Variants in CTNND2 observed in about 807,000 individuals in gnomAD.
CTNND2 encodes catenin delta 2.
CTNND2 carries 22 observed loss-of-function variants against 144.4 expected under a neutral mutation model. The ratio of observed to expected loss-of-function variants is 0.15; its 90% CI spans 0.11 to 0.22. The LOEUF is 0.22. CTNND2 is among the 10% of genes least tolerant of loss of function. The pLI, the probability that CTNND2 is intolerant of heterozygous loss-of-function variation, is 1.00. For missense variants in CTNND2, 1,353 were observed against 1,618.8 expected (o/e 0.84, Z 2.82); for synonymous variants, 751 against 695.6 (o/e 1.08, Z -1.25).
intron 1 of CTNND2, among the ~76,000 whole-genome samples, chr5:11,851,248 A>T (rs1794996025): frequency 5.2e-5 from 5 of 96,760 alleles, no homozygotes; most frequent in Admixed American, 2.2e-4. Context: ...TATTCATATT[A>T]TCTCTCTAAT....
chr5:11,654,244 T>C (rs959377459), intron 2 of CTNND2, among the ~76,000 whole-genome samples: 3 of 152,064 alleles, frequency 2.0e-5, no homozygotes, highest in Admixed American at 1.3e-4. Context: ...AATTTTAGAA[T>C]TATTTTTCTA....
chr5:11,640,287 A>C lies in CTNND2; in HGVS notation c.175-75231T>G, dbSNP rs1781933150. On this transcript the variant is annotated intron_variant, in intron 2 of 21. Transcript: ENST00000304623. The stretch of plus-strand genomic sequence containing the variant: ...TGACTTTATTATGCACATAAATTAC[A>C]TGGAGTTGCAGACTGTCTCTTTTCA... 2.0e-5 allele frequency among the ~76,000 whole-genome samples: 3 copies of C among 152,248 alleles called. No homozygotes were observed. The South Asian group carries it at 6.2e-4, about 31-fold the overall frequency.
intron 6 of CTNND2, among the ~76,000 whole-genome samples, chr5:11,386,451 C>T (rs987658721): frequency 1.4e-4 from 22 of 152,184 alleles, no homozygotes; most frequent in Non-Finnish European, 8.8e-5. Flanking sequence ...AGACTGGGCA[C>T]TTTCACTGCA....
intron 21 of CTNND2, among the ~76,000 whole-genome samples, chr5:10,974,928 G>T (rs929588049): frequency 2.0e-5 from 3 of 152,176 alleles, no homozygotes; most frequent in African/African-American, 7.2e-5. Context: ...TAATCAACCT[G>T]ATCTTCAAAG....
At chr5:11,059,933 G>A (rs918406721) in intron 16 of CTNND2, among the ~76,000 whole-genome samples, 6 of 152,088 alleles carry the variant, frequency 3.9e-5, no homozygotes, top group Non-Finnish European at 8.8e-5. Flanking sequence ...TGGTAATTTT[G>A]TTGAGGCTTA....
At chr5:11,069,570 C>T (rs919179747) in intron 16 of CTNND2, among the ~76,000 whole-genome samples, 1 of 151,958 alleles carries the variant, frequency 6.6e-6, no homozygotes, top group Non-Finnish European at 1.5e-5. Flanking sequence ...TAAAATTATA[C>T]AAGGCCTGAA....
intron 10 of CTNND2, among the ~76,000 whole-genome samples, chr5:11,223,336 T>A (rs1351365322): frequency 6.6e-6 from 1 of 152,174 alleles, no homozygotes; most frequent in African/African-American, 2.4e-5. Flanking sequence ...ATCTCCCCAC[T>A]GTACTCCAGC....
chr5:11,472,511 T>C (rs1207318849), intron 3 of CTNND2, among the ~76,000 whole-genome samples: 2 of 152,202 alleles, frequency 1.3e-5, no homozygotes, highest in Admixed American at 1.3e-4. Context: ...ATTAAATCTA[T>C]GAGTGTATTT....
Position 11,607,588 on chromosome 5 carries a change from A to C in CTNND2, c.175-42532T>G, listed in dbSNP as rs147043018. Among the ~76,000 whole-genome samples, 1,131 of 152,346 alleles carry C rather than the reference A, an allele frequency of 7.4e-3. 25 individuals carry two copies. Among genetic ancestry groups the C allele is most frequent in the African/African-American group, 0.026 (1,079 of 41,586 alleles). On this transcript the variant is annotated intron_variant, in intron 2 of 21. Coordinates refer to ENST00000304623, the MANE Select transcript of CTNND2 (RefSeq NM_001332.4). ...TAAGATCTATGGCAATTCAATTGAC[A>C]CAAATGATTGTTATTTGAATATTAA...
At chr5:11,882,507 A>G (rs35355583) in intron 1 of CTNND2, among the ~76,000 whole-genome samples, 48 of 151,986 alleles carry the variant, frequency 3.2e-4, no homozygotes, top group Non-Finnish European at 6.3e-4. Context: ...ATACAAATAT[A>G]TATATATAGT....
intron 9 of CTNND2, among the ~76,000 whole-genome samples, chr5:11,290,581 C>A (rs1748224802): frequency 6.6e-6 from 1 of 152,284 alleles, no homozygotes; most frequent in Non-Finnish European, 1.5e-5. Flanking sequence ...ATCTGCTGAA[C>A]AAATGATCCT....
intron 12 of CTNND2, among the ~76,000 whole-genome samples, chr5:11,127,186 T>C (rs112996624): frequency 0.23 from 34,994 of 152,232 alleles, 4,868 homozygotes; most frequent in Admixed American, 0.36. Context: ...ACTAAAACTG[T>C]GGCTGGCTCA....
chr5:11,552,470 T>C (rs1446811381), intron 3 of CTNND2, among the ~76,000 whole-genome samples: 2 of 152,224 alleles, frequency 1.3e-5, no homozygotes, highest in East Asian at 3.8e-4. Flanking sequence ...CTAAATCTCA[T>C]TACTTTTTTA....
chr5:11,088,777 T>C (rs376010155), intron 15 of CTNND2, among the ~76,000 whole-genome samples: 1 of 152,178 alleles, frequency 6.6e-6, no homozygotes, highest in Non-Finnish European at 1.5e-5. Flanking sequence ...TTTACTAAGA[T>C]AGTGTGTTTT....
intron 13 of CTNND2, among the ~76,000 whole-genome samples, chr5:11,114,756 C>CTTGTGTAT (rs1303742474): frequency 6.6e-6 from 1 of 152,146 alleles, no homozygotes; most frequent in East Asian, 1.9e-4. Flanking sequence ...TGTATGGAAT[C>CTTGTGTAT]CACGCTCTTT....
intron 1 of CTNND2, among the ~76,000 whole-genome samples, chr5:11,878,522 T>C (rs1313660973): frequency 6.6e-6 from 1 of 152,206 alleles, no homozygotes; most frequent in South Asian, 2.1e-4. Flanking sequence ...CAGTGTTCTA[T>C]ACCCCAGATC....
chr5:11,450,898 CAA>C (rs758941655), intron 3 of CTNND2, among the ~76,000 whole-genome samples: 28,215 of 80,270 alleles, frequency 0.35, 2,819 homozygotes, highest in East Asian at 0.6. Context: ...AACTCCATCT[CAA>C]AAAAAAAAAA....
At chr5:10,994,834 GC>G (rs1442744780) in intron 18 of CTNND2, among the ~76,000 whole-genome samples, 1 of 152,194 alleles carries the variant, frequency 6.6e-6, no homozygotes, top group South Asian at 2.1e-4. Flanking sequence ...AGGAGAGATG[GC>G]CCAGGCTTGA....
In CTNND2 at chr5:11,727,314, C is replaced by T. The variant is rs1184064170; in HGVS notation, c.174+4822G>A. ...ACACCCCATCTGGTCAATCTATCTA[C>T]AATCCTTCCATCCTGTACGTATGAA... On this transcript the variant is annotated intron_variant, in intron 2 of 21. Transcript: ENST00000304623. 4.6e-5 allele frequency among the ~76,000 whole-genome samples: 7 copies of T among 152,244 alleles called. No homozygotes were observed. In the South Asian group the frequency reaches 1.0e-3, roughly 23 times the overall value.
Sources: allele counts gnomAD v4.1 joint callset (sites outside exome capture counted in the v4.1 genomes callset), GRCh38; gene constraint gnomAD v4.1.1; transcripts MANE v1.5; gene names NCBI Gene and HGNC (gene_info 2026-07-23, HGNC 2026-07-21).